The following FRMD4A variants were observed in gnomAD, a reference collection of about 807,000 sequenced individuals.
FRMD4A encodes the protein FERM domain containing 4A.
FRMD4A carries 29 observed loss-of-function variants against 129.1 expected under a neutral mutation model. That is an observed-to-expected ratio of 0.22 (90% CI 0.17 to 0.31). The LOEUF (loss-of-function observed/expected upper bound fraction) is 0.31. Ranked by LOEUF, FRMD4A falls within the 10% of genes least tolerant of loss-of-function variation. FRMD4A has a pLI of 1.00. For missense variants in FRMD4A, 1,272 were observed against 1,375.8 expected (o/e 0.92, Z 1.19); for synonymous variants, 634 against 571.6 (o/e 1.11, Z -1.56).
chr10:14,130,714 A>G (rs1199142548), intron 2 of FRMD4A, among the ~76,000 whole-genome samples: 3 of 152,258 alleles, frequency 2.0e-5, no homozygotes, highest in Non-Finnish European at 2.9e-5. Context: ...AAAACTGTAC[A>G]TAAGCCGTAC....
intron 15 of FRMD4A, among the ~76,000 whole-genome samples, chr10:13,688,640 A>C (rs2085340196): frequency 6.6e-6 from 1 of 152,140 alleles, no homozygotes; most frequent in Non-Finnish European, 1.5e-5. Flanking sequence ...ACAGTCAACT[A>C]TGTTGACTTT....
intron 2 of FRMD4A, among the ~76,000 whole-genome samples, chr10:14,080,523 C>T (rs1251835347): frequency 6.6e-6 from 1 of 151,918 alleles, no homozygotes; most frequent in Non-Finnish European, 1.5e-5. Context: ...ATCCTCAGGC[C>T]ATGTGAGTGC....
intron 2 of FRMD4A, among the ~76,000 whole-genome samples, chr10:14,022,167 T>C (rs574333899): frequency 6.6e-6 from 1 of 152,262 alleles, no homozygotes; most frequent in African/African-American, 2.4e-5. Flanking sequence ...GAGAATTAAC[T>C]AAGTGAGGTC....
Position 13,942,915 on chromosome 10 carries a change from G to A in FRMD4A, c.46-84003C>T, listed in dbSNP as rs573184638. On this transcript the variant is annotated intron_variant, in intron 2 of 24. Transcript: ENST00000357447. ...GCCACTGCACTCTAGCCTGGCGAAA[G>A]AGTGAGACTCCATCTCAACAAAAAG... 2.6e-4 allele frequency among the ~76,000 whole-genome samples: 40 copies of A among 151,836 alleles called. No individual in the cohort carries two copies. The South Asian group carries it at 3.3e-3, about 13-fold the overall frequency.
chr10:13,773,734 A>G (rs2092523298), intron 6 of FRMD4A, among the ~76,000 whole-genome samples: 1 of 152,218 alleles, frequency 6.6e-6, no homozygotes, highest in Admixed American at 6.5e-5. Context: ...TGCAGAACCC[A>G]GAATAGGCAG....
chr10:14,242,928 T>C (rs1844100433), intron 2 of FRMD4A, among the ~76,000 whole-genome samples: 1 of 152,198 alleles, frequency 6.6e-6, no homozygotes, highest in Non-Finnish European at 1.5e-5. Context: ...AACAGATATT[T>C]TGAGACACCA....
In FRMD4A at chr10:14,202,318, C is replaced by A. The variant is rs189360204; in HGVS notation, c.45+127740G>T. Among the ~76,000 whole-genome samples the A allele has an allele frequency of 2.6e-5, 4 of 152,308 alleles. No individual in the cohort carries two copies. The East Asian group carries it at 7.7e-4, about 29-fold the overall frequency. ...GTATCCCCTCAGATGGGAAAAGACA[C>A]AGAAAAGCCTCTTTGGAGGGTCTGA... On this transcript the variant is annotated intron_variant, in intron 2 of 24. Transcript: ENST00000357447.
intron 11 of FRMD4A, among the ~76,000 whole-genome samples, chr10:13,739,269 T>C (rs2090846552): frequency 6.6e-6 from 1 of 152,218 alleles, no homozygotes; most frequent in Non-Finnish European, 1.5e-5. Flanking sequence ...AATCCTTGTA[T>C]TAAACCCCTG....
chr10:13,858,305 C>T (rs2094241503), intron 3 of FRMD4A, among the ~76,000 whole-genome samples: 1 of 152,154 alleles, frequency 6.6e-6, no homozygotes, highest in African/African-American at 2.4e-5. Context: ...AATGGTGGCA[C>T]ATGCCTGTAA....
intron 2 of FRMD4A, among the ~76,000 whole-genome samples, chr10:14,105,578 C>A (rs915750730): frequency 6.6e-6 from 1 of 152,014 alleles, no homozygotes. Context: ...AAGAAAATGA[C>A]CATAATGCCA....
At chr10:13,986,154 C>G (rs2095580395) in intron 2 of FRMD4A, among the ~76,000 whole-genome samples, 1 of 152,188 alleles carries the variant, frequency 6.6e-6, no homozygotes, top group Non-Finnish European at 1.5e-5. Context: ...CCCAGGGTGT[C>G]AGCCCTGGCT....
intron 2 of FRMD4A, among the ~76,000 whole-genome samples, chr10:14,156,719 C>G (rs1267424166): frequency 6.6e-6 from 1 of 152,166 alleles, no homozygotes; most frequent in Non-Finnish European, 1.5e-5. Context: ...TTGCATAAAA[C>G]TCAACTCTAC....
At chr10:13,736,306 G>A (rs761403891) in intron 12 of FRMD4A, among the ~76,000 whole-genome samples, 4 of 152,160 alleles carry the variant, frequency 2.6e-5, no homozygotes, top group Non-Finnish European at 5.9e-5. Context: ...AATACAGGGA[G>A]GAAGAGGTAT....
At chr10:13,746,588 C>T (rs1474715093) in intron 9 of FRMD4A, among the ~76,000 whole-genome samples, 1 of 152,080 alleles carries the variant, frequency 6.6e-6, no homozygotes, top group Non-Finnish European at 1.5e-5. Context: ...GGATAAGTGT[C>T]CAGACAAGAC....
chr10:14,128,042 TTC>T lies in FRMD4A; in HGVS notation c.45+202014_45+202015del, dbSNP rs1564319920. ...TTCCTTCCTTCCTTCCTTCCTTTCT[TTC>T]CCTCTTTCTTTCTTTCTTTCTTTCT... is the stretch of plus-strand genomic sequence containing the variant. On this transcript the variant is annotated intron_variant, in intron 2 of 24. Coordinates refer to ENST00000357447, the MANE Select transcript of FRMD4A (RefSeq NM_018027.5). 8.2e-4 allele frequency among the ~76,000 whole-genome samples: 91 copies of T among 111,638 alleles called. 5 individuals are homozygous for T. Among genetic ancestry groups the T allele is most frequent in the Non-Finnish European group, 1.0e-3 (56 of 53,942 alleles). 73.2% of individuals were successfully genotyped at this position (111,638 alleles called of 152,430 possible).
chr10:13,680,525 G>A (rs1442367072), intron 15 of FRMD4A, among the ~76,000 whole-genome samples: 1 of 152,106 alleles, frequency 6.6e-6, no homozygotes, highest in Admixed American at 6.6e-5. Context: ...CAGATTTTGA[G>A]ACCAGCCTGG....
At chr10:13,947,607 T>G (rs1319717589) in intron 2 of FRMD4A, among the ~76,000 whole-genome samples, 5 of 146,780 alleles carry the variant, frequency 3.4e-5, no homozygotes, top group Non-Finnish European at 7.6e-5. Flanking sequence ...CACACACACG[T>G]GCACACACAC....
At chr10:14,090,941 C>A (rs1025608657) in intron 2 of FRMD4A, among the ~76,000 whole-genome samples, 19 of 151,630 alleles carry the variant, frequency 1.3e-4, no homozygotes, top group Admixed American at 2.6e-4. Context: ...CCTGAGTAGC[C>A]GGGACCATAG....
intron 3 of FRMD4A, among the ~76,000 whole-genome samples, chr10:13,850,258 C>G (rs1482736225): frequency 2.6e-5 from 4 of 152,124 alleles, no homozygotes; most frequent in Admixed American, 1.3e-4. Flanking sequence ...AAGATTATTA[C>G]AGTTCTAGAT....
Sources: allele counts gnomAD v4.1 joint callset (sites outside exome capture counted in the v4.1 genomes callset), GRCh38; gene constraint gnomAD v4.1.1; transcripts MANE v1.5; gene names NCBI Gene and HGNC (gene_info 2026-07-23, HGNC 2026-07-21).